PPP2R2A: variants seen among roughly 807,000 people sequenced by gnomAD.
The protein encoded by PPP2R2A is serine/threonine-protein phosphatase 2A 55 kDa regulatory subunit B alpha isoform.
In PPP2R2A, 9 loss-of-function variants were observed where a neutral mutation model predicts 53.2. The observed-to-expected ratio is 0.17, with a 90% confidence interval of 0.10 to 0.30. The LOEUF is 0.30. PPP2R2A is among the 10% of genes least tolerant of loss of function. The probability of loss-of-function intolerance (pLI) is 1.00; values close to 1 mark genes in which losing one functional copy is unlikely to be tolerated. For synonymous variants in PPP2R2A, 169 were observed against 174.2 expected, an observed-to-expected ratio of 0.97 and a Z score of 0.23; for missense variants, 235 against 534.6, an observed-to-expected ratio of 0.44 and a Z score of 5.53.
At chr8:26,325,414 A>G (rs551184892) in intron 2 of PPP2R2A, among the ~76,000 whole-genome samples, 21 of 152,254 alleles carry the variant, frequency 1.4e-4, no homozygotes, top group Non-Finnish European at 2.5e-4. Context: ...AGGCCTTCCC[A>G]GCCATGTGGA....
At chr8:26,327,987 A>G (rs772938079) in intron 2 of PPP2R2A, among the ~76,000 whole-genome samples, 5 of 152,306 alleles carry the variant, frequency 3.3e-5, no homozygotes, top group Non-Finnish European at 5.9e-5. Context: ...GGTAAAGGTG[A>G]TCTATAGTAC....
intron 3 of PPP2R2A, among the ~76,000 whole-genome samples, chr8:26,353,797 C>T (rs916274905): frequency 1.3e-5 from 2 of 152,010 alleles, no homozygotes; most frequent in Admixed American, 6.6e-5. Flanking sequence ...GATGAGAAAG[C>T]AAATTTAAGG....
Position 26,370,143 on chromosome 8 carries a change from G to A in PPP2R2A, c.1074G>A (p.Met358Ile). ...CCWNGSDSVV[M>I]TGSYNNFFRM... ...CTGTCTATTTTCACAGTGTTGTCAT[G>A]ACTGGATCTTACAATAATTTCTTCA... The change falls in exon 10 of 10, where the codon ATG becomes ATA. Residue 358 changes from methionine (M) to isoleucine (I), a missense_variant. This residue lies in a region of PPP2R2A where 181 missense variants were observed against 409.9 expected (regional missense o/e 0.44). Transcript: ENST00000380737. This position sits in a 1 kb window ranked among gnomAD's most constrained non-coding sequence, Gnocchi z 6.1. 1.9e-6 allele frequency: 3 copies of A among 1,613,868 alleles called. No homozygotes were observed. The highest frequency in any genetic ancestry group is 2.5e-6 in the Non-Finnish European group (3 of 1,179,898).
intron 3 of PPP2R2A, among the ~76,000 whole-genome samples, chr8:26,344,778 G>A (rs1050120116): frequency 6.6e-5 from 10 of 152,052 alleles, no homozygotes; most frequent in African/African-American, 2.2e-4. Flanking sequence ...GGCTCAATGG[G>A]TACCTAATTT....
chr8:26,300,002 TAC>T (rs1392510021), intron 2 of PPP2R2A, among the ~76,000 whole-genome samples: 2 of 152,234 alleles, frequency 1.3e-5, no homozygotes, highest in Non-Finnish European at 2.9e-5. Context: ...CCTCACTCAG[TAC>T]AGTCACTTAA....
At chr8:26,310,064 C>T (rs1046700336) in intron 2 of PPP2R2A, among the ~76,000 whole-genome samples, 2 of 149,772 alleles carry the variant, frequency 1.3e-5, no homozygotes, top group Admixed American at 6.7e-5. Flanking sequence ...GGGCGGATCA[C>T]GAGGTCAAGA....
At chr8:26,299,065 G>A (rs62494174) in intron 2 of PPP2R2A, among the ~76,000 whole-genome samples, 2,342 of 152,272 alleles carry the variant, frequency 0.015, 23 homozygotes, top group Middle Eastern at 0.048. Context: ...CTTGAATCCA[G>A]GAGTCTGAGA....
At chr8:26,328,247 C>T (rs1237887842) in intron 2 of PPP2R2A, among the ~76,000 whole-genome samples, 5 of 152,088 alleles carry the variant, frequency 3.3e-5, no homozygotes, top group Non-Finnish European at 5.9e-5. Flanking sequence ...TGTATTTAGT[C>T]CTTTTGTTCT....
intron 2 of PPP2R2A, among the ~76,000 whole-genome samples, chr8:26,330,423 G>A (rs1006776079): frequency 1.0e-4 from 15 of 150,434 alleles, no homozygotes; most frequent in Non-Finnish European, 2.2e-4. Context: ...ATCCTCCCAT[G>A]TTCAAGCAAT....
chr8:26,331,370 A>G (rs1803368626), intron 2 of PPP2R2A, among the ~76,000 whole-genome samples: 1 of 152,222 alleles, frequency 6.6e-6, no homozygotes, highest in Non-Finnish European at 1.5e-5. Flanking sequence ...CTTTGTGGCC[A>G]GAAACAAGAC....
chr8:26,302,962 C>G (rs1048257835), intron 2 of PPP2R2A, among the ~76,000 whole-genome samples: 3 of 152,164 alleles, frequency 2.0e-5, no homozygotes, highest in Non-Finnish European at 4.4e-5. Context: ...TCCTGTCATT[C>G]AGAAAATTTG....
chr8:26,294,417 C>T (rs756902376), intron 2 of PPP2R2A, among the ~76,000 whole-genome samples: 11 of 152,140 alleles, frequency 7.2e-5, no homozygotes, highest in Non-Finnish European at 1.5e-4. Flanking sequence ...TATTTTCTAA[C>T]GTGTTTCAGA....
intron 3 of PPP2R2A, among the ~76,000 whole-genome samples, chr8:26,351,902 G>C (rs1471744491): frequency 2.0e-5 from 3 of 152,198 alleles, no homozygotes; most frequent in Non-Finnish European, 4.4e-5. Context: ...TCCTGTGTTT[G>C]TAATGTATGT....
chr8:26,358,415 A>T (rs1405432546), intron 4 of PPP2R2A, among the ~76,000 whole-genome samples: 3 of 152,340 alleles, frequency 2.0e-5, no homozygotes, highest in African/African-American at 7.2e-5. Context: ...TATATAAACT[A>T]AATAACACAT....
At chr8:26,328,288 C>T (rs144625703) in intron 2 of PPP2R2A, among the ~76,000 whole-genome samples, 219 of 152,232 alleles carry the variant, frequency 1.4e-3, no homozygotes, top group Middle Eastern at 3.4e-3. Context: ...ATAGAACTCA[C>T]TGAGAGAGTT....
chr8:26,294,790 CTG>C (rs925824566), intron 2 of PPP2R2A, among the ~76,000 whole-genome samples: 2 of 152,000 alleles, frequency 1.3e-5, no homozygotes, highest in Non-Finnish European at 2.9e-5. Context: ...CCTTAATTGT[CTG>C]TTTTAGAGTG....
chr8:26,315,813 C>T (rs932187599), intron 2 of PPP2R2A, among the ~76,000 whole-genome samples: 1 of 151,942 alleles, frequency 6.6e-6, no homozygotes, highest in Non-Finnish European at 1.5e-5. Context: ...ATTAGTTTAC[C>T]GTCATTTTAG....
chr8:26,353,152 T>C (rs1804605586), intron 3 of PPP2R2A, among the ~76,000 whole-genome samples: 1 of 152,226 alleles, frequency 6.6e-6, no homozygotes, highest in Admixed American at 6.5e-5. Flanking sequence ...TATTTATATA[T>C]GTTAATGGAA....
chr8:26,339,372 G>A (rs1252168308), intron 3 of PPP2R2A, among the ~76,000 whole-genome samples: 2 of 152,104 alleles, frequency 1.3e-5, no homozygotes, highest in African/African-American at 2.4e-5. Flanking sequence ...GTACAATTGA[G>A]GGGTGAGAGG....
Sources: gnomAD v4.1 joint callset for allele counts (sites outside exome capture counted in the v4.1 genomes callset) on GRCh38, gnomAD v4.1.1 for gene constraint, gnomAD v4.1.1 regional missense constraint, Gnocchi (gnomAD v3.1) non-coding constraint, MANE v1.5 for transcripts, NCBI Gene and HGNC (gene_info 2026-07-23, HGNC 2026-07-21) for gene names.